The following RNPEPL1 variants were observed in gnomAD, a reference collection of about 807,000 sequenced individuals.
RNPEPL1 encodes arginyl aminopeptidase like 1.
In RNPEPL1, 46 loss-of-function variants were observed where a neutral mutation model predicts 69.0. The observed-to-expected ratio is 0.67, with a 90% CI of 0.53 to 0.85. The LOEUF is 0.85. Ranked by LOEUF, RNPEPL1 falls within the 40% of genes least tolerant of loss-of-function variation. The pLI is 0.00. For missense variants in RNPEPL1, 869 were observed against 992.5 expected, an observed-to-expected ratio of 0.88 and a Z score of 1.67; for synonymous variants, 525 against 454.1, an observed-to-expected ratio of 1.16 and a Z score of -1.98.
At position 240,575,561 on chromosome 2, in the gene RNPEPL1, C is replaced by T. The variant is rs767483184; in HGVS notation, c.1461C>T (p.Phe487=). Residue 487 remains phenylalanine, a synonymous_variant, in exon 8 of 11, where the codon TTC becomes TTT. Coordinates refer to ENST00000270357, the MANE Select transcript of RNPEPL1 (RefSeq NM_018226.6). ...SVVAQDLLDS[F]LSFFPELKEQ... Reference sequence around the variant, plus strand: ...TGGCCCAGGACCTGCTGGACTCCTTCCTGAGCTTCTTCCCGGAGCTGAAGG... The same window carrying T: ...TGGCCCAGGACCTGCTGGACTCCTTTCTGAGCTTCTTCCCGGAGCTGAAGG... 8 of 1,613,540 alleles carry T rather than the reference C, an allele frequency of 5.0e-6. No individual in the cohort carries two copies. The Admixed American group carries it at 1.0e-4, about 20-fold the overall frequency.
Position 240,578,923 on chromosome 2 carries a change from A to G in RNPEPL1, c.*1031A>G, listed in dbSNP as rs1012884639. 4 of 152,294 alleles carry G rather than the reference A, an allele frequency of 2.6e-5. No individual in the cohort carries two copies. The highest frequency in any genetic ancestry group is 9.7e-5 in the African/African-American group (4 of 41,438). 9.4% of individuals were successfully genotyped at this position (152,294 alleles called of 1,614,324 possible). A position where few individuals can be genotyped will look rare whatever the true frequency, so the allele number is the denominator to read the frequency against. ...TTGGCTGGACCCCCTGGGCCTGAGTAGCCTCTGGATGTCACAGGAAAGCCA... is the reference window on the plus strand; with the variant it reads ...TTGGCTGGACCCCCTGGGCCTGAGTGGCCTCTGGATGTCACAGGAAAGCCA... On this transcript the variant is annotated 3_prime_UTR_variant, in exon 11 of 11. Coordinates refer to ENST00000270357, the MANE Select transcript of RNPEPL1 (RefSeq NM_018226.6).
rs2093050431 is a variant in RNPEPL1, at chr2:240,580,756, G to A, written c.*2864G>A. The stretch of plus-strand genomic sequence containing the variant: ...CGACGGAGCTGAGGCCAGAATGTGA[G>A]AGAGATCTGCATTTTGGGGATTAGG... On this transcript the variant is annotated 3_prime_UTR_variant, in exon 11 of 11. Coordinates refer to ENST00000270357, the MANE Select transcript of RNPEPL1 (RefSeq NM_018226.6). The A allele has an allele frequency of 6.6e-6, 1 of 152,218 alleles. No homozygotes were observed. The highest frequency in any genetic ancestry group is 1.5e-5 in the Non-Finnish European group (1 of 68,036). 9.4% of individuals were successfully genotyped at this position (152,218 alleles called of 1,614,324 possible).
chr2:240,572,643 C>G (rs2093025232), intron 2 of RNPEPL1, 80 bp downstream of exon 2: 3 of 1,491,010 alleles, frequency 2.0e-6, no homozygotes, highest in South Asian at 2.5e-5. Context: ...CTTGCTCCTA[C>G]CTGCCTGGGC....
Position 240,574,120 on chromosome 2 carries a change from A to G in RNPEPL1, c.946A>G (p.Ile316Val), listed in dbSNP as rs778476874. 3 of 1,612,442 alleles carry G rather than the reference A, an allele frequency of 1.9e-6. No homozygotes were observed. Among genetic ancestry groups the G allele is most frequent in the East Asian group, 4.5e-5 (2 of 44,808 alleles). ...YGPYMWGRYD[I>V]VFLPPSFPIV... ...ACCGCCCTCCCGGTGCAGGTACGAC[A>G]TTGTCTTCCTGCCACCCTCCTTCCC... The change falls in exon 5 of 11, where the codon ATT becomes GTT. Residue 316 changes from isoleucine (I) to valine (V), a missense_variant. By Grantham distance (29) the Ile-to-Val change is conservative (BLOSUM62 3). Transcript: ENST00000270357.
chr2:240,575,007 C>T, intron 6 of RNPEPL1, 23 bp from the exon 7 acceptor site: 1 of 1,587,538 alleles, frequency 6.3e-7, no homozygotes, highest in Non-Finnish European at 8.6e-7. Context: ...GGACGCCAGC[C>T]CAGGTGGGTG....
At position 240,574,150 on chromosome 2, in the gene RNPEPL1, G is replaced by A. The variant is rs370207421; in HGVS notation, c.976G>A (p.Val326Met). Reference sequence around the variant, plus strand: ...CTTCCTGCCACCCTCCTTCCCCATCGTGGCCATGGAGAACCCCTGCCTCAC... The same window carrying A: ...CTTCCTGCCACCCTCCTTCCCCATCATGGCCATGGAGAACCCCTGCCTCAC... ...IVFLPPSFPI[V>M]AMENPCLTFI... The change falls in exon 5 of 11, where the codon GTG becomes ATG. Residue 326 changes from valine to methionine, a missense_variant. Coordinates refer to ENST00000270357, the MANE Select transcript of RNPEPL1 (RefSeq NM_018226.6). 33 of 1,613,162 alleles carry A rather than the reference G, an allele frequency of 2.0e-5. No homozygotes were observed. Among genetic ancestry groups the A allele is most frequent in the South Asian group, 3.3e-5 (3 of 91,088 alleles).
At position 240,580,285 on chromosome 2, in the gene RNPEPL1, T is replaced by C. The variant is rs1230193362; in HGVS notation, c.*2393T>C. On this transcript the variant is annotated 3_prime_UTR_variant, in exon 11 of 11. Transcript: ENST00000270357. ...TCTCCACTAGATACGCACACTTAGC[T>C]CACGGTCTGCCTCATGAGTCATCCC... 6.6e-6 allele frequency: 1 copy of C among 152,156 alleles called. No homozygotes were observed. Among genetic ancestry groups the C allele is most frequent in the Admixed American group, 6.5e-5 (1 of 15,268 alleles). 9.4% of individuals were successfully genotyped at this position (152,156 alleles called of 1,614,324 possible).
chr2:240,572,543 A>G lies in RNPEPL1; in HGVS notation c.649A>G (p.Thr217Ala). 1 of 1,536,178 alleles carries G rather than the reference A, an allele frequency of 6.5e-7. No individual in the cohort carries two copies. Among genetic ancestry groups the G allele is most frequent in the Non-Finnish European group, 8.7e-7 (1 of 1,146,836 alleles). ...CTTCGACACACCTGCCGTGAAGTGC[A>G]CCTACTCTGCCGTCGTCAAGGTCAG... The part of the protein sequence containing the change: ...PCFDTPAVKC[T>A]YSAVVKAPSG... Residue 217 changes from threonine to alanine, a missense_variant, in exon 2 of 11, where the codon ACC becomes GCC. Physicochemically the swap from Thr to Ala is moderately conservative, Grantham distance 58 (BLOSUM62 0). This residue lies in a region of RNPEPL1 where 610 missense variants were observed against 790.9 expected (regional missense o/e 0.77). Coordinates refer to ENST00000270357, the MANE Select transcript of RNPEPL1 (RefSeq NM_018226.6).
rs2125451888 is a variant in RNPEPL1 at position 240,579,740 on chromosome 2, G to C, written c.*1848G>C. 6.6e-6 allele frequency: 1 copy of C among 152,360 alleles called. No individual in the cohort carries two copies. Among genetic ancestry groups the C allele is most frequent in the South Asian group, 2.1e-4 (1 of 4,832 alleles). 9.4% of individuals were successfully genotyped at this position (152,360 alleles called of 1,614,324 possible). ...CCTTTCCTGTTTCTTAACCATGCTT[G>C]ATGGTGTCCTCAAAGGAGCCCTGCT... On this transcript the variant is annotated 3_prime_UTR_variant, in exon 11 of 11. Transcript: ENST00000270357.
Position 240,577,988 on chromosome 2 carries a change from G to A in RNPEPL1, c.*96G>A. 2 of 1,272,778 alleles carry A rather than the reference G, an allele frequency of 1.6e-6. No individual in the cohort carries two copies. Among genetic ancestry groups the A allele is most frequent in the East Asian group, 2.7e-5 (1 of 37,268 alleles). 78.8% of individuals were successfully genotyped at this position (1,272,778 alleles called of 1,614,324 possible). A position where few individuals can be genotyped will look rare whatever the true frequency, so the allele number is the denominator to read the frequency against. ...GACTGCGTCTCGGCTCTGGCCATGA[G>A]CTCTGCCCAGGCCCACAAGCCCCTC... On this transcript the variant is annotated 3_prime_UTR_variant, in exon 11 of 11. Transcript: ENST00000270357.
Position 240,578,102 on chromosome 2 carries a change from T to G in RNPEPL1, c.*210T>G, listed in dbSNP as rs2093043069. The G allele has an allele frequency of 8.6e-6, 4 of 463,432 alleles. No homozygotes were observed. Among genetic ancestry groups the G allele is most frequent in the Admixed American group, 3.7e-5 (1 of 27,010 alleles). 28.7% of individuals were successfully genotyped at this position (463,432 alleles called of 1,614,324 possible). ...TGGACCTGGCCTCCCCACTCCCAGC[T>G]CTCTTGCACTGCAGGCCCTGGGGCC... On this transcript the variant is annotated 3_prime_UTR_variant, in exon 11 of 11. Transcript: ENST00000270357.
chr2:240,572,409 C>A lies in RNPEPL1; in HGVS notation c.529-14C>A. 1 of 1,535,782 alleles carries A rather than the reference C, an allele frequency of 6.5e-7. No individual in the cohort carries two copies. Among genetic ancestry groups the A allele is most frequent in the South Asian group, 1.2e-5 (1 of 84,040 alleles). On this transcript the variant is annotated splice_polypyrimidine_tract_variant and intron_variant, in intron 1 of 10. Transcript: ENST00000270357. ...GCTGGGTGGCCGTCTGCTGATGGGC[C>A]ATCCTGCCCACAGATCTGGTGGCTG... is the stretch of plus-strand genomic sequence containing the variant.
chr2:240,568,784 C>A lies in RNPEPL1; in HGVS notation c.198C>A (p.Cys66Ter). 1 of 1,075,958 alleles carries A rather than the reference C, an allele frequency of 9.3e-7. No homozygotes were observed. The allele number at this position is 1,075,958 out of a possible 1,614,324, so 66.7% of individuals were successfully genotyped here. ...ELAGCLVLEL[C>*]ALRPAPRALV... Reference sequence around the variant, plus strand: ...CCGGCTGCCTGGTGCTCGAGCTGTGCGCGCTGCGGCCCGCGCCCCGCGCGC... The same window carrying A: ...CCGGCTGCCTGGTGCTCGAGCTGTGAGCGCTGCGGCCCGCGCCCCGCGCGC... Residue 66 changes from cysteine (C) to a stop codon, truncating the protein, a stop_gained, in exon 1 of 11, where the codon TGC becomes TGA. Transcript: ENST00000270357. LOFTEE classifies it high-confidence loss of function. The surrounding 1 kb of genome is among the most constrained non-coding windows in gnomAD (Gnocchi z 6.2).
At chr2:240,569,659 G>A (rs1032759879) in intron 1 of RNPEPL1, among the ~76,000 whole-genome samples, 2 of 152,238 alleles carry the variant, frequency 1.3e-5, no homozygotes, top group African/African-American at 2.4e-5. Context: ...CTGCAAGAAA[G>A]GCCAGGTGGC....
chr2:240,574,374 C>T (rs762680603), intron 5 of RNPEPL1, 26 bp downstream of exon 5: 7 of 1,583,430 alleles, frequency 4.4e-6, no homozygotes, highest in Middle Eastern at 3.3e-4. Flanking sequence ...GGGAGGGCAG[C>T]CACGGGGGGC....
At position 240,576,958 on chromosome 2, in the gene RNPEPL1, C is replaced by T. The variant is rs1427923687; in HGVS notation, c.1852C>T (p.Leu618Phe). 6.2e-7 allele frequency: 1 copy of T among 1,613,288 alleles called. No homozygotes were observed. Among genetic ancestry groups the T allele is most frequent in the African/African-American group, 1.3e-5 (1 of 74,938 alleles). ...IVVRNDYYPDLHRVRRFLESQ... is the reference protein window; with the variant it reads ...IVVRNDYYPDFHRVRRFLESQ... Reference sequence around the variant, plus strand: ...GGTCCGCAACGACTACTATCCTGACCTCCACAGGGTGCGGCGCTTCCTGGA... The same window carrying T: ...GGTCCGCAACGACTACTATCCTGACTTCCACAGGGTGCGGCGCTTCCTGGA... The change falls in exon 10 of 11, where the codon CTC becomes TTC. Residue 618 changes from leucine to phenylalanine, a missense_variant. Transcript: ENST00000270357.
intron 8 of RNPEPL1, chr2:240,576,193 C>G: frequency 2.5e-6 from 1 of 399,192 alleles, no homozygotes. Flanking sequence ...CTGTTGCCCC[C>G]ATCCCGCCCC....
Position 240,580,381 on chromosome 2 carries a change from G to C in RNPEPL1, c.*2489G>C, listed in dbSNP as rs770911214. On this transcript the variant is annotated 3_prime_UTR_variant, in exon 11 of 11. Coordinates refer to ENST00000270357, the MANE Select transcript of RNPEPL1 (RefSeq NM_018226.6). ...CATTCCAAATCCTGGCAGGTCGCAC[G>C]TTTTATTAGCACAGCACCCCTCTCC... The C allele has an allele frequency of 6.6e-6, 1 of 152,198 alleles. No individual in the cohort carries two copies. Among genetic ancestry groups the C allele is most frequent in the Non-Finnish European group, 1.5e-5 (1 of 68,072 alleles). 9.4% of individuals were successfully genotyped at this position (152,198 alleles called of 1,614,324 possible). A position where few individuals can be genotyped will look rare whatever the true frequency, so the allele number is the denominator to read the frequency against.
Position 240,574,287 on chromosome 2 carries a change from G to T in RNPEPL1, c.1113G>T (p.Glu371Asp). 6.2e-7 allele frequency: 1 copy of T among 1,609,988 alleles called. No homozygotes were observed. The change falls in exon 5 of 11, where the codon GAG (glutamate) becomes GAT (aspartate). Residue 371 changes from glutamate to aspartate, a missense_variant. Glu to Asp is a conservative substitution (Grantham distance 45, BLOSUM62 2). Around this residue, in one of 2 missense-constraint regions of RNPEPL1, gnomAD observed 610 missense variants for 790.9 expected, o/e 0.77. Transcript: ENST00000270357. ...CTGTCACCAACGCCACGTGGGAAGA[G>T]ATGTGGCTGAGCGAGGGCCTGGCCA... ...GNAVTNATWE[E>D]MWLSEGLATY... is the part of the protein sequence containing the mutation.
Sources: gnomAD v4.1 joint callset for allele counts (sites outside exome capture counted in the v4.1 genomes callset) on GRCh38, gnomAD v4.1.1 for gene constraint, gnomAD v4.1.1 regional missense constraint, Gnocchi (gnomAD v3.1) non-coding constraint, MANE v1.5 for transcripts, NCBI Gene and HGNC (gene_info 2026-07-23, HGNC 2026-07-21) for gene names.